The following SLCO5A1 variants were observed in gnomAD, a reference collection of about 807,000 sequenced individuals.
The protein encoded by SLCO5A1 is organic anion transporter polypeptide-related protein 4.
SLCO5A1 carries 39 observed loss-of-function variants against 65.1 expected under a neutral mutation model. The ratio of observed to expected loss-of-function variants is 0.60; its 90% CI spans 0.46 to 0.78. The LOEUF is 0.78. SLCO5A1 is among the 30% of genes least tolerant of loss of function. SLCO5A1 has a pLI of 0.00. For missense variants in SLCO5A1, 1,029 were observed against 1,069.4 expected, an observed-to-expected ratio of 0.96 and a Z score of 0.53; for synonymous variants, 438 against 415.7, an observed-to-expected ratio of 1.05 and a Z score of -0.65.
At chr8:69,703,307 G>A (rs1403731853) in intron 6 of SLCO5A1, among the ~76,000 whole-genome samples, 1 of 152,056 alleles carries the variant, frequency 6.6e-6, no homozygotes, top group African/African-American at 2.4e-5. Flanking sequence ...TCTCACTTCT[G>A]AGAATTTATC....
intron 2 of SLCO5A1, among the ~76,000 whole-genome samples, chr8:69,815,995 C>T (rs1407721845): frequency 6.6e-6 from 1 of 152,132 alleles, no homozygotes; most frequent in Non-Finnish European, 1.5e-5. Context: ...GACTTCCTTA[C>T]TTACAAAGAT....
At chr8:69,688,825 T>C (rs1332615901) in intron 6 of SLCO5A1, among the ~76,000 whole-genome samples, 1 of 152,216 alleles carries the variant, frequency 6.6e-6, no homozygotes, top group Non-Finnish European at 1.5e-5. Context: ...TATAACAGCA[T>C]GATTTATAGT....
intron 2 of SLCO5A1, chr8:69,794,531 C>A: frequency 2.6e-6 from 1 of 388,414 alleles, no homozygotes; most frequent in Non-Finnish European, 5.1e-6. Context: ...AGCACTCTTT[C>A]AGCTCTCTAT....
intron 5 of SLCO5A1, among the ~76,000 whole-genome samples, chr8:69,735,835 A>C (rs1816530892): frequency 6.6e-6 from 1 of 152,234 alleles, no homozygotes; most frequent in Admixed American, 6.5e-5. Context: ...ATTTTTTAAA[A>C]AAGAAAAGAA....
At chr8:69,694,358 CAT>C (rs1446821768) in intron 6 of SLCO5A1, among the ~76,000 whole-genome samples, 4 of 152,172 alleles carry the variant, frequency 2.6e-5, no homozygotes, top group African/African-American at 4.8e-5. Context: ...AAGCATAAGA[CAT>C]GTGTAAGTGC....
chr8:69,736,356 A>G (rs1816554328), intron 5 of SLCO5A1, among the ~76,000 whole-genome samples: 1 of 152,176 alleles, frequency 6.6e-6, no homozygotes, highest in Non-Finnish European at 1.5e-5. Context: ...CTTGGCCTCT[A>G]CCAGTAACTA....
At chr8:69,735,917 A>G (rs1388369802) in intron 5 of SLCO5A1, among the ~76,000 whole-genome samples, 1 of 152,046 alleles carries the variant, frequency 6.6e-6, no homozygotes, top group Non-Finnish European at 1.5e-5. Context: ...GCCCCCCTCT[A>G]CTCTTAATCA....
chr8:69,738,317 C>A, intron 4 of SLCO5A1, 113 bp from the exon 5 acceptor site: 2 of 935,446 alleles, frequency 2.1e-6, no homozygotes, highest in South Asian at 2.6e-5. Context: ...ACATTTGCCA[C>A]CAAGGAATAA....
intron 2 of SLCO5A1, among the ~76,000 whole-genome samples, chr8:69,825,559 A>G (rs1820844847): frequency 6.6e-6 from 1 of 152,224 alleles, no homozygotes; most frequent in Non-Finnish European, 1.5e-5. Flanking sequence ...ATACCTAGGA[A>G]TCCAACTTAC....
intron 6 of SLCO5A1, among the ~76,000 whole-genome samples, chr8:69,687,664 C>A (rs2933074): frequency 0.38 from 57,037 of 151,778 alleles, 10,792 homozygotes; most frequent in South Asian, 0.55. Context: ...TAACACCCAG[C>A]GATATCCACT....
At chr8:69,804,558 C>T (rs529871296) in intron 2 of SLCO5A1, among the ~76,000 whole-genome samples, 34 of 152,282 alleles carry the variant, frequency 2.2e-4, no homozygotes, top group Non-Finnish European at 3.8e-4. Context: ...TCAGGTGATC[C>T]GCCCACCTTG....
At position 69,705,118 on chromosome 8, in the gene SLCO5A1, C is replaced by A; in HGVS notation, c.1535G>T (p.Gly512Val). ...GGTTGAAAAACATAGTAAAGACACA[C>A]CACTGCAGATCATTGCTAGTTTTGC... is the stretch of plus-strand genomic sequence containing the variant. ...ESAKLAMICS[G>V]VSLLCFSTLF... is the part of the protein sequence containing the mutation. The change falls in exon 6 of 10, where the codon GGT becomes GTT. Residue 512 changes from glycine to valine, a missense_variant. By Grantham distance (109) the Gly-to-Val change is moderately radical. Around this residue, in one of 3 missense-constraint regions of SLCO5A1, gnomAD observed 647 missense variants for 647.5 expected, o/e 1.00. Transcript: ENST00000260126. The A allele has an allele frequency of 1.2e-6, 2 of 1,614,174 alleles. No individual in the cohort carries two copies. The highest frequency in any genetic ancestry group is 1.7e-5 in the Admixed American group (1 of 60,030).
intron 6 of SLCO5A1, among the ~76,000 whole-genome samples, chr8:69,692,742 A>G (rs968538204): frequency 5.9e-5 from 9 of 152,070 alleles, no homozygotes; most frequent in African/African-American, 2.2e-4. Context: ...CCACCCCCAT[A>G]TCTTGTCTCA....
At chr8:69,794,968 C>T (rs1648063082) in intron 2 of SLCO5A1, among the ~76,000 whole-genome samples, 1 of 152,182 alleles carries the variant, frequency 6.6e-6, no homozygotes, top group Admixed American at 6.5e-5. Context: ...AAAACCAAAT[C>T]TCACAATAAC....
chr8:69,729,001 G>A (rs1192271439), intron 5 of SLCO5A1, among the ~76,000 whole-genome samples: 1 of 152,040 alleles, frequency 6.6e-6, no homozygotes, highest in Non-Finnish European at 1.5e-5. Context: ...CGACTGATCC[G>A]AGGTCCAGGG....
intron 2 of SLCO5A1, among the ~76,000 whole-genome samples, chr8:69,825,422 T>G (rs1008865410): frequency 1.3e-5 from 2 of 152,110 alleles, no homozygotes; most frequent in African/African-American, 4.8e-5. Flanking sequence ...ATAAGTAACT[T>G]CAGCAAAGTC....
chr8:69,798,060 T>C (rs980728413), intron 2 of SLCO5A1, among the ~76,000 whole-genome samples: 2 of 152,204 alleles, frequency 1.3e-5, no homozygotes, highest in Non-Finnish European at 2.9e-5. Context: ...TCGTTTGTAC[T>C]CTTTCCCTTT....
intron 5 of SLCO5A1, among the ~76,000 whole-genome samples, chr8:69,735,065 A>T (rs1816497907): frequency 6.6e-6 from 1 of 152,228 alleles, no homozygotes; most frequent in Non-Finnish European, 1.5e-5. Flanking sequence ...GAAACATATG[A>T]AAAAAGCTCA....
intron 6 of SLCO5A1, among the ~76,000 whole-genome samples, chr8:69,704,190 C>G (rs1283557709): frequency 6.6e-6 from 1 of 152,206 alleles, no homozygotes; most frequent in East Asian, 1.9e-4. Flanking sequence ...GTCTGGGCCA[C>G]TGCACCAGCC....
Sources: allele counts gnomAD v4.1 joint callset (sites outside exome capture counted in the v4.1 genomes callset), GRCh38; gene constraint gnomAD v4.1.1; regional missense constraint gnomAD v4.1.1; transcripts MANE v1.5; gene names NCBI Gene and HGNC (gene_info 2026-07-23, HGNC 2026-07-21).